SLCO2A1: variants seen among roughly 807,000 people sequenced by gnomAD.
SLCO2A1 encodes solute carrier organic anion transporter family member 2A1, also known as matrin F/G 1.
A neutral mutation model predicts 71.7 loss-of-function variants in SLCO2A1; 60 were observed. That is an observed-to-expected ratio of 0.84 (90% CI 0.68 to 1.04). The LOEUF is 1.04. SLCO2A1 is among the 50% of genes least tolerant of loss of function. The pLI, the probability that SLCO2A1 is intolerant of heterozygous loss-of-function variation, is 0.00. For missense variants in SLCO2A1, 745 were observed against 813.4 expected (o/e 0.92, Z 1.02); for synonymous variants, 308 against 326.7 (o/e 0.94, Z 0.62).
At chr3:134,018,451 T>TC (rs1374807284) in intron 1 of SLCO2A1, among the ~76,000 whole-genome samples, 2 of 152,056 alleles carry the variant, frequency 1.3e-5, no homozygotes, top group African/African-American at 4.8e-5. Flanking sequence ...AAAGTAATTC[T>TC]CCCCCCATTT....
chr3:134,011,809 T>C (rs558020077), intron 1 of SLCO2A1, among the ~76,000 whole-genome samples: 1 of 152,272 alleles, frequency 6.6e-6, no homozygotes, highest in African/African-American at 2.4e-5. Context: ...GAGGGTGAAG[T>C]CAATGACCTG....
intron 9 of SLCO2A1, among the ~76,000 whole-genome samples, chr3:133,945,538 A>C (rs1576428057): frequency 6.6e-6 from 1 of 152,224 alleles, no homozygotes; most frequent in Non-Finnish European, 1.5e-5. Flanking sequence ...CCCTTGCCAC[A>C]GTAGGCGTCA....
intron 1 of SLCO2A1, among the ~76,000 whole-genome samples, chr3:134,005,761 G>A (rs1474352759): frequency 6.6e-6 from 1 of 152,078 alleles, no homozygotes; most frequent in Non-Finnish European, 1.5e-5. Context: ...GATTACAGGC[G>A]TGAGCTACCG....
At chr3:134,028,053 A>G (rs930567884) in intron 1 of SLCO2A1, among the ~76,000 whole-genome samples, 2 of 152,244 alleles carry the variant, frequency 1.3e-5, no homozygotes, top group Admixed American at 6.5e-5. Flanking sequence ...TCATCAACAC[A>G]TGAGAAATCA....
At chr3:133,954,859 G>T in intron 4 of SLCO2A1, 107 bp downstream of exon 4, 1 of 855,124 alleles carries the variant, frequency 1.2e-6, no homozygotes, top group Non-Finnish European at 1.8e-6. Flanking sequence ...CATTTGCTGG[G>T]TTGTAAGCAA....
chr3:134,014,468 T>A (rs1935403802), intron 1 of SLCO2A1, among the ~76,000 whole-genome samples: 1 of 152,128 alleles, frequency 6.6e-6, no homozygotes, highest in Non-Finnish European at 1.5e-5. Flanking sequence ...GCAAATTTAA[T>A]CCATCCCAAA....
At chr3:134,006,310 C>T (rs1418690382) in intron 1 of SLCO2A1, among the ~76,000 whole-genome samples, 2 of 152,172 alleles carry the variant, frequency 1.3e-5, no homozygotes, top group Non-Finnish European at 2.9e-5. Context: ...CCTCAGCCTC[C>T]CAAAGTGCTG....
chr3:134,007,575 T>C (rs557423370), intron 1 of SLCO2A1, among the ~76,000 whole-genome samples: 1 of 152,364 alleles, frequency 6.6e-6, no homozygotes, highest in East Asian at 1.9e-4. Flanking sequence ...CCTTGGGGTT[T>C]TAGTTTCTCA....
chr3:133,971,299 G>A (rs1471193278), intron 3 of SLCO2A1, among the ~76,000 whole-genome samples: 2 of 152,262 alleles, frequency 1.3e-5, no homozygotes, highest in Admixed American at 1.3e-4. Flanking sequence ...TTCAGAGCTG[G>A]CCTCAAGCTC....
At position 134,016,168 on chromosome 3, in the gene SLCO2A1, T is replaced by C. The variant is rs866047810; in HGVS notation, c.96+13539A>G. Among the ~76,000 whole-genome samples, 67 of 152,208 alleles carry C rather than the reference T, an allele frequency of 4.4e-4. 1 individual carries two copies. The highest frequency in any genetic ancestry group is 1.5e-3 in the African/African-American group (64 of 41,560). On this transcript the variant is annotated intron_variant, in intron 1 of 13. Transcript: ENST00000310926. The stretch of plus-strand genomic sequence containing the variant: ...GACACCAAAAGCAGGATCCAGAAAA[T>C]TGAAAATTGATAAATTAAAATTCAT...
intron 1 of SLCO2A1, among the ~76,000 whole-genome samples, chr3:134,026,367 T>C (rs115637002): frequency 1.3e-5 from 2 of 151,546 alleles, no homozygotes; most frequent in East Asian, 1.9e-4. Context: ...TACGTAGGCA[T>C]AGAGCTTACG....
intron 1 of SLCO2A1, among the ~76,000 whole-genome samples, chr3:133,992,631 C>T (rs988684840): frequency 5.3e-5 from 8 of 152,218 alleles, no homozygotes; most frequent in Admixed American, 2.0e-4. Context: ...CATAAAAACC[C>T]CAGGCTCTGC....
At chr3:133,970,914 C>T (rs546558558) in intron 3 of SLCO2A1, among the ~76,000 whole-genome samples, 3 of 152,268 alleles carry the variant, frequency 2.0e-5, no homozygotes, top group African/African-American at 7.2e-5. Flanking sequence ...AAGGCTGGAA[C>T]AGCACAGTGT....
intron 3 of SLCO2A1, among the ~76,000 whole-genome samples, chr3:133,969,245 C>T (rs2108053051): frequency 6.6e-6 from 1 of 152,304 alleles, no homozygotes; most frequent in Non-Finnish European, 1.5e-5. Context: ...ACCTGGCCAA[C>T]ATGGTGAAAC....
chr3:133,971,223 A>G (rs34652214), intron 3 of SLCO2A1, among the ~76,000 whole-genome samples: 20,736 of 152,324 alleles, frequency 0.14, 1,501 homozygotes, highest in Middle Eastern at 0.23. Context: ...GGCTCTGGAA[A>G]GAAGACAGTG....
At chr3:133,957,981 G>GT (rs1258525916) in intron 3 of SLCO2A1, among the ~76,000 whole-genome samples, 1 of 152,214 alleles carries the variant, frequency 6.6e-6, no homozygotes, top group Non-Finnish European at 1.5e-5. Flanking sequence ...TAGAGGCTGT[G>GT]TCTGCCATCT....
chr3:134,014,248 C>T (rs992334235), intron 1 of SLCO2A1, among the ~76,000 whole-genome samples: 2 of 152,080 alleles, frequency 1.3e-5, no homozygotes, highest in Non-Finnish European at 2.9e-5. Flanking sequence ...CTGAGTGTTC[C>T]GAAGGTCACA....
intron 1 of SLCO2A1, among the ~76,000 whole-genome samples, chr3:134,011,612 T>C (rs1321844854): frequency 6.6e-6 from 1 of 152,198 alleles, no homozygotes; most frequent in African/African-American, 2.4e-5. Flanking sequence ...ACCTGCCACA[T>C]ACCACCCTGC....
intron 1 of SLCO2A1, among the ~76,000 whole-genome samples, chr3:134,027,208 G>A (rs1400869700): frequency 1.3e-5 from 2 of 152,128 alleles, no homozygotes; most frequent in Non-Finnish European, 2.9e-5. Flanking sequence ...CCCTCATATT[G>A]TCTTATGCCC....
Sources: gnomAD v4.1 joint callset for allele counts (sites outside exome capture counted in the v4.1 genomes callset) on GRCh38, gnomAD v4.1.1 for gene constraint, MANE v1.5 for transcripts, NCBI Gene and HGNC (gene_info 2026-07-23, HGNC 2026-07-21) for gene names.